The following CRHR2 variants were observed in gnomAD, a reference collection of about 807,000 sequenced individuals.
CRHR2 encodes corticotropin releasing hormone receptor 2, also known as corticotropin-releasing hormone receptor 2.
CRHR2 carries 53 observed loss-of-function variants against 57.9 expected under a neutral mutation model. That is an observed-to-expected ratio of 0.92 (90% CI 0.73 to 1.15). The LOEUF is 1.15. Ranked by LOEUF, CRHR2 falls within the 50% of genes most tolerant of loss-of-function variation. The pLI is 0.00. For synonymous variants in CRHR2, 213 were observed against 220.9 expected (o/e 0.96, Z 0.32); for missense variants, 532 against 542.6 (o/e 0.98, Z 0.19).
At chr7:30,677,294 A>G (rs1361042895) in intron 2 of CRHR2, among the ~76,000 whole-genome samples, 2 of 152,200 alleles carry the variant, frequency 1.3e-5, no homozygotes, top group Admixed American at 1.3e-4. Context: ...AGAAACAGAC[A>G]GGGAGACAAT....
intron 2 of CRHR2, 138 bp downstream of exon 2, chr7:30,681,777 G>A: frequency 1.5e-6 from 2 of 1,297,342 alleles, no homozygotes; most frequent in Non-Finnish European, 1.0e-6. Context: ...ACACTGTAAG[G>A]GGTCCTTAAC....
At chr7:30,666,498 G>A (rs1784188005) in intron 3 of CRHR2, among the ~76,000 whole-genome samples, 1 of 152,218 alleles carries the variant, frequency 6.6e-6, no homozygotes, top group African/African-American at 2.4e-5. Context: ...GTGGAGGTGA[G>A]GACCAAGGGC....
chr7:30,685,543 TG>T (rs1296518448), upstream of CRHR2, among the ~76,000 whole-genome samples: 1 of 152,154 alleles, frequency 6.6e-6, no homozygotes, highest in Non-Finnish European at 1.5e-5. Flanking sequence ...GCTGCACTTT[TG>T]CCCTGTAGCA....
At chr7:30,677,785 G>T (rs1784563656) in intron 2 of CRHR2, among the ~76,000 whole-genome samples, 1 of 152,198 alleles carries the variant, frequency 6.6e-6, no homozygotes, top group Admixed American at 6.5e-5. Context: ...AAGACTCCAG[G>T]TTGGCCAGGT....
At chr7:30,692,945 G>A (rs903998010) in intron 1 of CRHR2, among the ~76,000 whole-genome samples, 3 of 152,180 alleles carry the variant, frequency 2.0e-5, no homozygotes, top group Non-Finnish European at 4.4e-5. Context: ...CTGATCCTGG[G>A]TGAGGAAGTG....
upstream of CRHR2, among the ~76,000 whole-genome samples, chr7:30,684,791 T>C (rs1328755320): frequency 6.6e-6 from 1 of 152,190 alleles, no homozygotes; most frequent in Non-Finnish European, 1.5e-5. Context: ...TGGGAACAAA[T>C]TGATTTTACA....
rs1410482484 is a variant in CRHR2, at chr7:30,653,142, G to C, written c.*318C>G. ...TATAAATAGCTGTGTGTGTTGGACA[G>C]GTCCTTCTCTGCTCTGGGCCCAGTA... On this transcript the variant is annotated 3_prime_UTR_variant, in exon 12 of 12. Transcript: ENST00000471646. This position sits in a 1 kb window ranked among gnomAD's most constrained non-coding sequence, Gnocchi z 5.0. The C allele has an allele frequency of 3.2e-6, 1 of 314,216 alleles. No individual in the cohort carries two copies. Among genetic ancestry groups the C allele is most frequent in the Non-Finnish European group, 6.0e-6 (1 of 167,654 alleles). The allele number at this position is 314,216 out of a possible 1,614,324, so 19.5% of individuals were successfully genotyped here. A position where few individuals can be genotyped will look rare whatever the true frequency, so the allele number is the denominator to read the frequency against.
chr7:30,654,823 G>T (rs1359836721), intron 11 of CRHR2: 5 of 1,540,512 alleles, frequency 3.2e-6, no homozygotes, highest in Non-Finnish European at 4.4e-6. Flanking sequence ...GTGCACATGT[G>T]GGGTGCTGGC....
At chr7:30,699,815 A>T (rs1272404562) in intron 1 of CRHR2, 1 of 638,202 alleles carries the variant, frequency 1.6e-6, no homozygotes, top group Non-Finnish European at 2.5e-6. Flanking sequence ...TCTCCAATTC[A>T]TCATCAGACA....
rs1784060267 is a variant in CRHR2 at position 30,662,800 on chromosome 7, G to T, written c.591C>A (p.Thr197=). 1 of 1,614,212 alleles carries T rather than the reference G, an allele frequency of 6.2e-7. No homozygotes were observed. The change falls in exon 6 of 12, where the codon ACC becomes ACA. Residue 197 remains threonine, a synonymous_variant. Coordinates refer to ENST00000471646, the MANE Select transcript of CRHR2 (RefSeq NM_001883.5). ...ITTIFNYFVV[T]NFFWMFVEGC... is the part of the protein sequence containing the mutation. ...CTTCCACAAACATCCAGAAGAAGTT[G>T]GTCACCACGAAGTAGTTGAAGATGG...
Position 30,660,659 on chromosome 7 carries a change from G to A in CRHR2, c.759-14C>T, listed in dbSNP as rs750150297. On this transcript the variant is annotated splice_polypyrimidine_tract_variant and intron_variant, in intron 7 of 11. Coordinates refer to ENST00000471646, the MANE Select transcript of CRHR2 (RefSeq NM_001883.5). ...CCAAACCAGCACCTGTGAAGATGGG[G>A]TGGCTGTAGGGGGCCTCCTGAGCTG... 6.4e-7 allele frequency: 1 copy of A among 1,558,826 alleles called. No homozygotes were observed. The highest frequency in any genetic ancestry group is 2.4e-5 in the East Asian group (1 of 41,822).
chr7:30,665,808 CTTG>C lies in CRHR2; in HGVS notation c.316-172_316-170del, dbSNP rs1404743057. The stretch of plus-strand genomic sequence containing the variant: ...TCGTTCCTGTTGGCCCTGGGTGGCT[CTTG>C]TTGTTATAAATGGCTGTGGTCAGGC... On this transcript the variant is annotated intron_variant, in intron 3 of 11. Coordinates refer to ENST00000471646, the MANE Select transcript of CRHR2 (RefSeq NM_001883.5). The surrounding 1 kb of genome is among the most constrained non-coding windows in gnomAD (Gnocchi z 4.5). Among the ~76,000 whole-genome samples, 4 of 152,096 alleles carry C rather than the reference CTTG, an allele frequency of 2.6e-5. No individual in the cohort carries two copies. Among genetic ancestry groups the C allele is most frequent in the African/African-American group, 7.2e-5 (3 of 41,396 alleles).
intron 2 of CRHR2, among the ~76,000 whole-genome samples, chr7:30,669,905 C>T (rs996029471): frequency 6.6e-6 from 1 of 152,016 alleles, no homozygotes; most frequent in African/African-American, 2.4e-5. Context: ...CCACTTAAAG[C>T]ACCTCCTCCT....
Position 30,682,018 on chromosome 7 carries a change from C to T in CRHR2, c.126G>A (p.Thr42=). The change falls in exon 2 of 12, where the codon ACG becomes ACA. Residue 42 remains threonine, a synonymous_variant. Transcript: ENST00000471646. ...AGCACGTTCCGATCTGGTCCAAGGT[C>T]GTGTTGCAGTAGGAGTAGGGACCTG... ...DPEGPYSYCN[T]TLDQIGTCWP... is the part of the protein sequence containing the mutation. 2 of 1,598,650 alleles carry T rather than the reference C, an allele frequency of 1.3e-6. No homozygotes were observed. Among genetic ancestry groups the T allele is most frequent in the Non-Finnish European group, 1.7e-6 (2 of 1,173,058 alleles).
At chr7:30,660,780 G>A in intron 7 of CRHR2, 135 bp from the exon 8 acceptor site, 1 of 827,588 alleles carries the variant, frequency 1.2e-6, no homozygotes, top group Non-Finnish European at 1.9e-6. Context: ...AGAAAGCCTT[G>A]GTGGAAATAC....
At chr7:30,659,938 A>ATC (rs1017852246) in intron 8 of CRHR2, among the ~76,000 whole-genome samples, 9 of 151,950 alleles carry the variant, frequency 5.9e-5, no homozygotes, top group African/African-American at 1.7e-4. Flanking sequence ...TTCTTTCTTT[A>ATC]TCTCTCTCTC....
upstream of CRHR2, chr7:30,686,518 C>G: frequency 6.6e-7 from 1 of 1,506,110 alleles, no homozygotes; most frequent in Non-Finnish European, 8.9e-7. Flanking sequence ...TGAATCCATT[C>G]GGATTCTTGG....
intron 2 of CRHR2, among the ~76,000 whole-genome samples, chr7:30,675,119 A>G (rs1784476596): frequency 6.6e-6 from 1 of 151,898 alleles, no homozygotes; most frequent in African/African-American, 2.4e-5. Context: ...CCCTTGCCCC[A>G]GCTGCTCTCC....
In CRHR2 at chr7:30,653,298, T is replaced by A. The variant is rs1783652919; in HGVS notation, c.*162A>T. On this transcript the variant is annotated 3_prime_UTR_variant, in exon 12 of 12. Transcript: ENST00000471646. This position sits in a 1 kb window ranked among gnomAD's most constrained non-coding sequence, Gnocchi z 5.0. ...GGTGGCCCCCACTCATCCCTGTCCC[T>A]TGCAGTCCCCCTTGGCTGCCGCACC... The A allele has an allele frequency of 1.9e-6, 2 of 1,037,404 alleles. No individual in the cohort carries two copies. The highest frequency in any genetic ancestry group is 2.4e-5 in the Admixed American group (1 of 41,766). 64.3% of individuals were successfully genotyped at this position (1,037,404 alleles called of 1,614,324 possible).
Sources: allele counts gnomAD v4.1 joint callset (sites outside exome capture counted in the v4.1 genomes callset), GRCh38; gene constraint gnomAD v4.1.1; non-coding constraint Gnocchi (gnomAD v3.1); transcripts MANE v1.5; gene names NCBI Gene and HGNC (gene_info 2026-07-23, HGNC 2026-07-21).